Variants in GSPT1 observed in about 807,000 individuals in gnomAD.
GSPT1 encodes eukaryotic peptide chain release factor GTP-binding subunit ERF3A.
Under a neutral mutation model 72.5 loss-of-function variants are expected in GSPT1, and 20 were observed. That is an observed-to-expected ratio of 0.28 (90% CI 0.19 to 0.40). The LOEUF is 0.40. Ranked by LOEUF, GSPT1 falls within the 10% of genes least tolerant of loss-of-function variation. GSPT1 has a pLI of 1.00. For synonymous variants in GSPT1, 334 were observed against 293.5 expected, an observed-to-expected ratio of 1.14 and a Z score of -1.41; for missense variants, 580 against 811.9, an observed-to-expected ratio of 0.71 and a Z score of 3.47.
Position 11,897,700 on chromosome 16 carries a change from C to G in GSPT1, c.436+140G>C, listed in dbSNP as rs73511681. On this transcript the variant is annotated intron_variant, in intron 3 of 14. Transcript: ENST00000434724. ...CAGTGTTAGTGCCTAGTTTGTTCTA[C>G]TTTCTAAATACTAATAGCAAAGACT... 2.1e-3 allele frequency: 1,306 copies of G among 626,838 alleles called. 17 individuals carry two copies. The African/African-American group carries it at 0.021, about 10-fold the overall frequency. 38.8% of individuals were successfully genotyped at this position (626,838 alleles called of 1,614,324 possible). A position where few individuals can be genotyped will look rare whatever the true frequency, so the allele number is the denominator to read the frequency against.
intron 1 of GSPT1, among the ~76,000 whole-genome samples, chr16:11,912,718 TA>T (rs1443222132): frequency 2.0e-5 from 3 of 152,336 alleles, no homozygotes; most frequent in Admixed American, 1.3e-4. Flanking sequence ...TCCTATCAGA[TA>T]AAATGCTTGT....
chr16:11,901,768 G>C (rs1367436878), intron 1 of GSPT1, among the ~76,000 whole-genome samples: 1 of 151,742 alleles, frequency 6.6e-6, no homozygotes, highest in Non-Finnish European at 1.5e-5. Flanking sequence ...CTCTAGCCTG[G>C]GTGAAAGAGT....
Position 11,871,381 on chromosome 16 carries a change from A to C in GSPT1, c.*1738T>G, listed in dbSNP as rs1394283972. On this transcript the variant is annotated 3_prime_UTR_variant, in exon 15 of 15. Coordinates refer to ENST00000434724, the MANE Select transcript of GSPT1 (RefSeq NM_002094.4). ...TCAGAAGTTTGAGACCAGCCTGACCAATAGGGGGAAACCTCGTCTCCACTA... is the reference window on the plus strand; with the variant it reads ...TCAGAAGTTTGAGACCAGCCTGACCCATAGGGGGAAACCTCGTCTCCACTA... The C allele has an allele frequency of 6.6e-6, 1 of 152,170 alleles. No individual in the cohort carries two copies. Among genetic ancestry groups the C allele is most frequent in the Admixed American group, 6.6e-5 (1 of 15,262 alleles). The allele number at this position is 152,170 out of a possible 1,614,324, so 9.4% of individuals were successfully genotyped here. A position where few individuals can be genotyped will look rare whatever the true frequency, so the allele number is the denominator to read the frequency against.
At chr16:11,884,864 C>T (rs778436694) in intron 10 of GSPT1, among the ~76,000 whole-genome samples, 2 of 151,340 alleles carry the variant, frequency 1.3e-5, no homozygotes, top group African/African-American at 4.9e-5. Flanking sequence ...GTCAGGAGAT[C>T]GAGACCATCC....
chr16:11,879,757 A>T (rs1049535705), intron 11 of GSPT1, among the ~76,000 whole-genome samples: 2 of 149,852 alleles, frequency 1.3e-5, no homozygotes, highest in Non-Finnish European at 3.0e-5. Flanking sequence ...AAAAAAAAAC[A>T]AAACAAAAAA....
intron 5 of GSPT1, among the ~76,000 whole-genome samples, chr16:11,892,519 A>AATAAT (rs1473554249): frequency 7.0e-6 from 1 of 142,760 alleles, no homozygotes; most frequent in African/African-American, 2.8e-5. Context: ...AAAAACAAAA[A>AATAAT]AAACAAAAAA....
intron 1 of GSPT1, among the ~76,000 whole-genome samples, chr16:11,903,725 T>C (rs1372603526): frequency 6.6e-6 from 1 of 152,186 alleles, no homozygotes; most frequent in Non-Finnish European, 1.5e-5. Flanking sequence ...CTACATAGAA[T>C]TGCTGGTTGT....
At chr16:11,881,962 T>A (rs1323389888) in intron 11 of GSPT1, 1 of 152,212 alleles carries the variant, frequency 6.6e-6, no homozygotes, top group Non-Finnish European at 1.5e-5. Context: ...ATCTCCATAA[T>A]TTTTGGGACA....
chr16:11,887,240 C>T (rs1002140782), intron 7 of GSPT1, among the ~76,000 whole-genome samples: 2 of 152,014 alleles, frequency 1.3e-5, no homozygotes, highest in African/African-American at 2.4e-5. Context: ...GTGAAAAGCG[C>T]AAAATGACTG....
intron 1 of GSPT1, among the ~76,000 whole-genome samples, chr16:11,899,791 G>C (rs190004001): frequency 2.2e-3 from 331 of 152,220 alleles, no homozygotes; most frequent in Middle Eastern, 6.8e-3. Flanking sequence ...GTGACTGCAT[G>C]GGGTACTTCT....
chr16:11,874,361 A>T (rs890299794), intron 14 of GSPT1, among the ~76,000 whole-genome samples: 1 of 151,736 alleles, frequency 6.6e-6, no homozygotes, highest in Admixed American at 6.6e-5. Context: ...CACTGACTAC[A>T]GTGCAGTGAA....
At chr16:11,887,852 A>C in intron 6 of GSPT1, 102 bp from the exon 7 acceptor site, 7 of 778,232 alleles carry the variant, frequency 9.0e-6, no homozygotes, top group Non-Finnish European at 1.3e-5. Context: ...CAACACCTAA[A>C]TCACGAACAA....
At chr16:11,882,985 T>C (rs377336935) in intron 11 of GSPT1, 30 bp downstream of exon 11, 8 of 1,403,686 alleles carry the variant, frequency 5.7e-6, no homozygotes, top group South Asian at 2.3e-5. Flanking sequence ...AATCAATAAA[T>C]AGATAGGAAA....
intron 10 of GSPT1, among the ~76,000 whole-genome samples, chr16:11,883,805 C>T (rs374719079): frequency 2.4e-4 from 37 of 151,714 alleles, no homozygotes; most frequent in East Asian, 1.9e-3. Flanking sequence ...CCCAGCTACT[C>T]GGAAGGCTGA....
chr16:11,890,268 T>A (rs952953505), intron 6 of GSPT1, among the ~76,000 whole-genome samples: 23 of 152,306 alleles, frequency 1.5e-4, no homozygotes, highest in African/African-American at 5.5e-4. Flanking sequence ...ACTAAAACTT[T>A]TTAATAAAAT....
intron 10 of GSPT1, among the ~76,000 whole-genome samples, chr16:11,883,973 T>A (rs570702582): frequency 6.6e-6 from 1 of 151,958 alleles, no homozygotes; most frequent in Admixed American, 6.6e-5. Flanking sequence ...TCTGAACTGT[T>A]TGTACAAATT....
At chr16:11,914,953 C>T in intron 1 of GSPT1, 3 of 1,196,702 alleles carry the variant, frequency 2.5e-6, no homozygotes, top group African/African-American at 1.6e-5. Flanking sequence ...CTCGGCCATT[C>T]GTCCTCCCCA....
At chr16:11,901,883 G>A (rs1464944250) in intron 1 of GSPT1, among the ~76,000 whole-genome samples, 1 of 151,584 alleles carries the variant, frequency 6.6e-6, no homozygotes, top group Non-Finnish European at 1.5e-5. Context: ...ATCACCTGAG[G>A]TCAGGAGTTT....
Position 11,877,392 on chromosome 16 carries a change from CAAT to C in GSPT1, c.1602+12_1602+14del, listed in dbSNP as rs778901109. ...ACATTAAAACCCACTATGACAACAA[CAAT>C]AATTTGTTTACCTGGGCATCAAATG... On this transcript the variant is annotated intron_variant, in intron 12 of 14. Coordinates refer to ENST00000434724, the MANE Select transcript of GSPT1 (RefSeq NM_002094.4). The surrounding 1 kb of genome is among the most constrained non-coding windows in gnomAD (Gnocchi z 4.0). The C allele has an allele frequency of 1.9e-6, 3 of 1,544,628 alleles. No individual in the cohort carries two copies. Among genetic ancestry groups the C allele is most frequent in the Non-Finnish European group, 2.6e-6 (3 of 1,141,488 alleles).
Sources: gnomAD v4.1 joint callset for allele counts (sites outside exome capture counted in the v4.1 genomes callset) on GRCh38, gnomAD v4.1.1 for gene constraint, Gnocchi (gnomAD v3.1) non-coding constraint, MANE v1.5 for transcripts, NCBI Gene and HGNC (gene_info 2026-07-23, HGNC 2026-07-21) for gene names.